NKAIN2: variants seen among roughly 807,000 people sequenced by gnomAD.
NKAIN2 encodes the protein sodium/potassium transporting ATPase interacting 2.
NKAIN2 carries 14 observed loss-of-function variants against 32.6 expected under a neutral mutation model. The observed-to-expected ratio is 0.43, with a 90% CI of 0.28 to 0.67. The LOEUF is 0.67. Ranked by LOEUF, NKAIN2 falls within the 30% of genes least tolerant of loss-of-function variation. The probability of loss-of-function intolerance (pLI) is 0.17; values close to 1 mark genes in which losing one functional copy is unlikely to be tolerated. For missense variants in NKAIN2, 198 were observed against 258.3 expected (o/e 0.77, Z 1.60); for synonymous variants, 80 against 87.2 (o/e 0.92, Z 0.46).
chr6:124,083,123 T>C (rs1001604190), intron 1 of NKAIN2, among the ~76,000 whole-genome samples: 3 of 151,982 alleles, frequency 2.0e-5, no homozygotes, highest in African/African-American at 7.2e-5. Context: ...ACTATATGTT[T>C]GTATACAAAA....
intron 1 of NKAIN2, among the ~76,000 whole-genome samples, chr6:123,902,356 A>T (rs1255756038): frequency 1.3e-5 from 2 of 152,142 alleles, no homozygotes; most frequent in African/African-American, 4.8e-5. Context: ...TGTCTAAAAA[A>T]TCCAAAATAA....
At chr6:124,544,080 G>C (rs1780004602) in intron 3 of NKAIN2, among the ~76,000 whole-genome samples, 1 of 152,152 alleles carries the variant, frequency 6.6e-6, no homozygotes, top group Non-Finnish European at 1.5e-5. Flanking sequence ...ATAGTTCTCG[G>C]TAGAGAAGAA....
chr6:123,931,477 AC>A (rs1776251423), intron 1 of NKAIN2, among the ~76,000 whole-genome samples: 1 of 152,096 alleles, frequency 6.6e-6, no homozygotes, highest in Admixed American at 6.6e-5. Flanking sequence ...TTGATAGTTA[AC>A]AGTGGAACTG....
chr6:124,049,057 G>A (rs1028198808), intron 1 of NKAIN2, among the ~76,000 whole-genome samples: 1 of 151,974 alleles, frequency 6.6e-6, no homozygotes, highest in African/African-American at 2.4e-5. Flanking sequence ...TTAAAGCTCA[G>A]TTTATTATAG....
chr6:124,066,973 C>G (rs567382238), intron 1 of NKAIN2, among the ~76,000 whole-genome samples: 92 of 152,138 alleles, frequency 6.0e-4, no homozygotes, highest in African/African-American at 2.0e-3. Context: ...GTCAATCTAA[C>G]GCAGCTTTCT....
intron 3 of NKAIN2, among the ~76,000 whole-genome samples, chr6:124,360,533 A>G (rs1311910958): frequency 6.6e-6 from 1 of 152,204 alleles, no homozygotes; most frequent in East Asian, 1.9e-4. Context: ...TGAAAATTCT[A>G]TGAAAATCCA....
chr6:124,351,630 C>T (rs567991982), intron 2 of NKAIN2, among the ~76,000 whole-genome samples: 3 of 151,054 alleles, frequency 2.0e-5, no homozygotes, highest in South Asian at 2.1e-4. Flanking sequence ...TTTATTCATT[C>T]GTTTATTTTG....
At chr6:123,898,925 A>T (rs929714012) in intron 1 of NKAIN2, among the ~76,000 whole-genome samples, 12 of 152,172 alleles carry the variant, frequency 7.9e-5, no homozygotes, top group Non-Finnish European at 1.2e-4. Context: ...AACTGCCTTC[A>T]TAACCTCAGC....
chr6:124,647,892 C>T (rs1406935532), intron 3 of NKAIN2, among the ~76,000 whole-genome samples: 2 of 152,132 alleles, frequency 1.3e-5, no homozygotes, highest in Non-Finnish European at 2.9e-5. Context: ...TAGTGACTAA[C>T]ATGCTCTGTA....
rs1437147076 is a variant in NKAIN2 at position 123,976,272 on chromosome 6, TATATATGTTTCC to T, written c.54+172025_54+172036del. ...ACATATATATATATATATGTTTCCA[TATATATGTTTCC>T]ATATATATGTTTCCATATATATGTT... On this transcript the variant is annotated intron_variant, in intron 1 of 6. Transcript: ENST00000368417. Among the ~76,000 whole-genome samples the T allele has an allele frequency of 3.2e-5, 4 of 125,844 alleles. 1 individual carries two copies. In the East Asian group the frequency reaches 1.0e-3, roughly 32 times the overall value. The allele number at this position is 125,844 out of a possible 152,430, so 82.6% of individuals were successfully genotyped here.
intron 3 of NKAIN2, among the ~76,000 whole-genome samples, chr6:124,581,409 G>T (rs1246443713): frequency 1.5e-5 from 2 of 132,110 alleles, no homozygotes; most frequent in Non-Finnish European, 3.1e-5. Context: ...ACTGCAGTCC[G>T]CAGTCCGGCC....
chr6:124,192,755 T>G (rs867986279), intron 1 of NKAIN2, among the ~76,000 whole-genome samples: 12 of 138,354 alleles, frequency 8.7e-5, no homozygotes, highest in East Asian at 4.1e-4. Context: ...TTTTTTTTTT[T>G]TTTTTTTTTT....
chr6:124,339,821 G>A (rs1010184932), intron 2 of NKAIN2, among the ~76,000 whole-genome samples: 6 of 152,144 alleles, frequency 3.9e-5, no homozygotes, highest in Non-Finnish European at 1.5e-5. Flanking sequence ...TATTGTGCGT[G>A]TGGAAGGTCG....
chr6:124,824,975 A>C lies in NKAIN2; in HGVS notation c.*1746A>C, dbSNP rs1781530232. On this transcript the variant is annotated 3_prime_UTR_variant, in exon 7 of 7. Coordinates refer to ENST00000368417, the MANE Select transcript of NKAIN2 (RefSeq NM_001040214.3). The stretch of plus-strand genomic sequence containing the variant: ...CCAGCACTCATGCTTGAATTTCCTC[A>C]GTGGGTTGTATGTTTGTCCATACAT... 1 of 152,642 alleles carries C rather than the reference A, an allele frequency of 6.6e-6. No homozygotes were observed. The highest frequency in any genetic ancestry group is 6.5e-5 in the Admixed American group (1 of 15,270). 9.5% of individuals were successfully genotyped at this position (152,642 alleles called of 1,614,324 possible).
At chr6:123,909,119 C>T (rs1775034741) in intron 1 of NKAIN2, among the ~76,000 whole-genome samples, 1 of 152,032 alleles carries the variant, frequency 6.6e-6, no homozygotes. Context: ...ATCTCACTAC[C>T]CTGATTCTCT....
chr6:124,332,553 T>C (rs1434733118), intron 2 of NKAIN2, among the ~76,000 whole-genome samples: 1 of 152,170 alleles, frequency 6.6e-6, no homozygotes, highest in Non-Finnish European at 1.5e-5. Context: ...ATGTGTCTAC[T>C]TGATGGCCAT....
Position 124,613,058 on chromosome 6 carries a change from T to C in NKAIN2, c.274-45128T>C, listed in dbSNP as rs189435820. On this transcript the variant is annotated intron_variant, in intron 3 of 6. Transcript: ENST00000368417. ...ACTAGAATGTCACTTTTTGAATGTT[T>C]CAATATACCCAAAGCATGAACGTGT... Among the ~76,000 whole-genome samples the C allele has an allele frequency of 2.8e-3, 424 of 152,292 alleles. 5 individuals carry two copies. Among genetic ancestry groups the C allele is most frequent in the Admixed American group, 0.023 (345 of 15,290 alleles).
intron 3 of NKAIN2, among the ~76,000 whole-genome samples, chr6:124,498,494 T>C (rs1006017224): frequency 6.6e-6 from 1 of 152,162 alleles, no homozygotes; most frequent in Non-Finnish European, 1.5e-5. Flanking sequence ...AAAGGGGCTA[T>C]GTCTATTTTA....
intron 1 of NKAIN2, among the ~76,000 whole-genome samples, chr6:124,174,039 A>T (rs573255987): frequency 6.9e-4 from 105 of 152,254 alleles, no homozygotes; most frequent in Non-Finnish European, 1.3e-3. Flanking sequence ...AAGGGATATT[A>T]TGTTGAAGTA....
Sources: allele counts gnomAD v4.1 joint callset (sites outside exome capture counted in the v4.1 genomes callset), GRCh38; gene constraint gnomAD v4.1.1; transcripts MANE v1.5; gene names NCBI Gene and HGNC (gene_info 2026-07-23, HGNC 2026-07-21).